The following SLC25A21 variants were observed in gnomAD, a reference collection of about 807,000 sequenced individuals.
SLC25A21 encodes the protein mitochondrial 2-oxodicarboxylate carrier.
SLC25A21 carries 47 observed loss-of-function variants against 43.8 expected under a neutral mutation model. The ratio of observed to expected loss-of-function variants is 1.07; its 90% CI spans 0.85 to 1.37. The LOEUF (loss-of-function observed/expected upper bound fraction) is 1.37. Among genes scored for constraint, SLC25A21 ranks in the 40% most tolerant of loss-of-function variants. SLC25A21 has a pLI of 0.00. For missense variants in SLC25A21, 352 were observed against 350.2 expected (o/e 1.00, Z -0.04); for synonymous variants, 131 against 121.3 (o/e 1.08, Z -0.52).
chr14:37,117,597 G>C (rs1054951135), intron 1 of SLC25A21, among the ~76,000 whole-genome samples: 1 of 152,100 alleles, frequency 6.6e-6, no homozygotes, highest in Admixed American at 6.6e-5. Context: ...ATATACTAGA[G>C]TACGTTTTTC....
intron 1 of SLC25A21, among the ~76,000 whole-genome samples, chr14:37,023,232 C>G (rs887348517): frequency 6.6e-6 from 1 of 151,950 alleles, no homozygotes; most frequent in Admixed American, 6.6e-5. Flanking sequence ...CAAAAGTGTT[C>G]CCAAAGTCAG....
At chr14:36,746,658 T>C (rs1044617139) in intron 3 of SLC25A21, among the ~76,000 whole-genome samples, 3 of 152,216 alleles carry the variant, frequency 2.0e-5, no homozygotes, top group Non-Finnish European at 4.4e-5. Flanking sequence ...GGAAATTCCT[T>C]GCTCCATTCT....
intron 1 of SLC25A21, among the ~76,000 whole-genome samples, chr14:37,030,192 T>C (rs899373468): frequency 1.3e-5 from 2 of 152,178 alleles, no homozygotes; most frequent in African/African-American, 4.8e-5. Flanking sequence ...ATACATTTAC[T>C]TTTCATTAAG....
At chr14:37,168,209 C>T (rs1331641920) in intron 1 of SLC25A21, among the ~76,000 whole-genome samples, 2 of 152,052 alleles carry the variant, frequency 1.3e-5, no homozygotes, top group Admixed American at 6.6e-5. Context: ...AACCCCTCTG[C>T]AATGCTGGTC....
At chr14:36,771,384 G>A (rs528695782) in intron 3 of SLC25A21, among the ~76,000 whole-genome samples, 2 of 151,838 alleles carry the variant, frequency 1.3e-5, no homozygotes, top group African/African-American at 4.8e-5. Context: ...TGGCACTTAT[G>A]AGTGCAAAGT....
At chr14:36,986,203 C>T (rs939663650) in intron 1 of SLC25A21, among the ~76,000 whole-genome samples, 1 of 152,110 alleles carries the variant, frequency 6.6e-6, no homozygotes, top group Non-Finnish European at 1.5e-5. Context: ...CATATTTTTA[C>T]GTTTAATTAT....
intron 3 of SLC25A21, among the ~76,000 whole-genome samples, chr14:36,747,125 CTGAAT>C (rs1316338221): frequency 6.6e-6 from 1 of 152,152 alleles, no homozygotes; most frequent in Non-Finnish European, 1.5e-5. Context: ...ATATTTTTCA[CTGAAT>C]TGAATATGTA....
At chr14:37,042,932 G>T (rs1178516551) in intron 1 of SLC25A21, among the ~76,000 whole-genome samples, 1 of 152,110 alleles carries the variant, frequency 6.6e-6, no homozygotes, top group Non-Finnish European at 1.5e-5. Flanking sequence ...ATCTCCACTT[G>T]TTGAGGCCAT....
At position 37,029,897 on chromosome 14, in the gene SLC25A21, G is replaced by A. The variant is rs372080280; in HGVS notation, c.70+142384C>T. On this transcript the variant is annotated intron_variant, in intron 1 of 9. Coordinates refer to ENST00000331299, the MANE Select transcript of SLC25A21 (RefSeq NM_030631.4). Reference sequence around the variant, plus strand: ...CTCCTGCCTCAGCCTCCCAAGTAGCGGGGATTACAAGCGTGTGCCACCATA... The same window carrying A: ...CTCCTGCCTCAGCCTCCCAAGTAGCAGGGATTACAAGCGTGTGCCACCATA... Among the ~76,000 whole-genome samples, 10 of 151,308 alleles carry A rather than the reference G, an allele frequency of 6.6e-5. No homozygotes were observed. In the East Asian group the frequency reaches 1.2e-3, roughly 18 times the overall value.
intron 3 of SLC25A21, among the ~76,000 whole-genome samples, chr14:36,796,713 T>C (rs961401003): frequency 6.6e-6 from 1 of 152,176 alleles, no homozygotes; most frequent in African/African-American, 2.4e-5. Flanking sequence ...TTCACATGTA[T>C]GACACGCAGC....
chr14:37,137,642 G>T (rs549785271), intron 1 of SLC25A21, among the ~76,000 whole-genome samples: 1 of 152,152 alleles, frequency 6.6e-6, no homozygotes, highest in Non-Finnish European at 1.5e-5. Context: ...TACATTGTAG[G>T]ATCATGAGTA....
intron 1 of SLC25A21, among the ~76,000 whole-genome samples, chr14:37,043,228 C>T (rs1047857740): frequency 1.3e-4 from 20 of 152,182 alleles, no homozygotes; most frequent in African/African-American, 4.6e-4. Context: ...GTACAGCTAA[C>T]TATCCAGTTG....
chr14:36,754,720 A>G (rs536867786), intron 3 of SLC25A21, among the ~76,000 whole-genome samples: 2 of 127,918 alleles, frequency 1.6e-5, no homozygotes, highest in East Asian at 2.1e-4. Flanking sequence ...CATACAAAAG[A>G]CAGTGCCCAA....
chr14:37,086,136 T>C (rs1962482447), intron 1 of SLC25A21, among the ~76,000 whole-genome samples: 1 of 152,096 alleles, frequency 6.6e-6, no homozygotes, highest in South Asian at 2.1e-4. Context: ...CAAATTTTTA[T>C]AGAAACTACT....
rs1882082416 is a variant in SLC25A21 at position 36,679,356 on chromosome 14, A to C, written c.*1302T>G. 17 of 974,384 alleles carry C rather than the reference A, an allele frequency of 1.7e-5. No individual in the cohort carries two copies. The South Asian group carries it at 7.1e-4, about 41-fold the overall frequency. 60.4% of individuals were successfully genotyped at this position (974,384 alleles called of 1,614,324 possible). A position where few individuals can be genotyped will look rare whatever the true frequency, so the allele number is the denominator to read the frequency against. ...AAATGCTCTAAATTAATAAAAAGTA[A>C]TAATTACCATGTTATCTTTTACTTT... is the stretch of plus-strand genomic sequence containing the variant. On this transcript the variant is annotated 3_prime_UTR_variant, in exon 10 of 10. Coordinates refer to ENST00000331299, the MANE Select transcript of SLC25A21 (RefSeq NM_030631.4).
chr14:36,682,790 A>G (rs1374012533), intron 9 of SLC25A21, among the ~76,000 whole-genome samples: 3 of 152,138 alleles, frequency 2.0e-5, no homozygotes, highest in Non-Finnish European at 4.4e-5. Flanking sequence ...TCCATGTGTA[A>G]AGGCCTATAA....
chr14:36,728,970 A>C (rs1388301784), intron 5 of SLC25A21, among the ~76,000 whole-genome samples: 1 of 152,218 alleles, frequency 6.6e-6, no homozygotes, highest in Non-Finnish European at 1.5e-5. Flanking sequence ...TCAAATCACC[A>C]AGTGAATTTT....
chr14:36,994,374 G>A (rs906767849), intron 1 of SLC25A21, among the ~76,000 whole-genome samples: 2 of 152,152 alleles, frequency 1.3e-5, no homozygotes, highest in Non-Finnish European at 2.9e-5. Context: ...AAGAGAATAA[G>A]GTAATCAGAC....
chr14:36,704,664 A>AC (rs1167181892), intron 7 of SLC25A21, among the ~76,000 whole-genome samples: 84 of 151,914 alleles, frequency 5.5e-4, no homozygotes, highest in African/African-American at 1.9e-3. Flanking sequence ...CTCAAAAAAA[A>AC]AAAAAAACAA....
Sources: allele counts gnomAD v4.1 joint callset (sites outside exome capture counted in the v4.1 genomes callset), GRCh38; gene constraint gnomAD v4.1.1; transcripts MANE v1.5; gene names NCBI Gene and HGNC (gene_info 2026-07-23, HGNC 2026-07-21).